Variants in NEB observed in about 807,000 individuals in gnomAD.
NEB encodes nemaline myopathy type 2.
Under a neutral mutation model 952.2 loss-of-function variants are expected in NEB, and 512 were observed. The ratio of observed to expected loss-of-function variants is 0.54; its 90% CI spans 0.50 to 0.58. NEB has a LOEUF of 0.58. NEB is among the 20% of genes least tolerant of loss of function. The pLI, the probability that NEB is intolerant of heterozygous loss-of-function variation, is 0.00. For missense variants in NEB, 8,428 were observed against 9,231.1 expected, an observed-to-expected ratio of 0.91 and a Z score of 3.56; for synonymous variants, 2,900 against 3,149.8, an observed-to-expected ratio of 0.92 and a Z score of 2.66.
chr2:151,644,714 T>C (rs1029744531), intron 55 of NEB, 139 bp from the exon 56 acceptor site: 1 of 725,666 alleles, frequency 1.4e-6, no homozygotes, highest in African/African-American at 1.8e-5. Flanking sequence ...TTAGAAATTA[T>C]GCCCATTGAT....
At position 151,485,666 on chromosome 2, in the gene NEB, A is replaced by G; in HGVS notation, c.*94T>C. The stretch of plus-strand genomic sequence containing the variant: ...ACATTGACACAGAAAAACCATAGGC[A>G]GCTTGAGAACTTAGGTAACAGTGGA... On this transcript the variant is annotated 3_prime_UTR_variant, in exon 182 of 182. Transcript: ENST00000397345. 1 of 1,229,318 alleles carries G rather than the reference A, an allele frequency of 8.1e-7. No homozygotes were observed. Among genetic ancestry groups the G allele is most frequent in the Admixed American group, 2.3e-5 (1 of 42,898 alleles). 76.2% of individuals were successfully genotyped at this position (1,229,318 alleles called of 1,614,324 possible). A position where few individuals can be genotyped will look rare whatever the true frequency, so the allele number is the denominator to read the frequency against.
intron 129 of NEB, among the ~76,000 whole-genome samples, chr2:151,551,488 A>G (rs983961970): frequency 2.0e-5 from 3 of 152,176 alleles, no homozygotes; most frequent in African/African-American, 7.2e-5. Context: ...GAGAATGTAT[A>G]TTGGCTTTCT....
intron 165 of NEB, among the ~76,000 whole-genome samples, chr2:151,504,987 A>C (rs556780530): frequency 4.7e-4 from 72 of 152,082 alleles, no homozygotes; most frequent in Non-Finnish European, 6.5e-4. Flanking sequence ...GGGAGAAGAG[A>C]CTTCACATGT....
At chr2:151,533,008 C>A (rs2092109554) in intron 143 of NEB, among the ~76,000 whole-genome samples, 1 of 152,100 alleles carries the variant, frequency 6.6e-6, no homozygotes, top group Non-Finnish European at 1.5e-5. Flanking sequence ...CATAGAGCTG[C>A]ACGGTAATCC....
chr2:151,631,064 T>C, intron 66 of NEB, 79 bp downstream of exon 66: 1 of 1,549,554 alleles, frequency 6.5e-7, no homozygotes, highest in Admixed American at 1.8e-5. Context: ...CCTTCATAGA[T>C]AATTTAGACT....
chr2:151,710,266 G>C (rs947199031), intron 11 of NEB, among the ~76,000 whole-genome samples, 168 bp downstream of exon 11: 68 of 152,336 alleles, frequency 4.5e-4, no homozygotes, highest in African/African-American at 1.6e-3. Flanking sequence ...AAAGGAAAGA[G>C]AGTTTGGGAA....
intron 181 of NEB, chr2:151,486,339 GAC>G (rs1465648554): frequency 6.0e-6 from 1 of 166,806 alleles, no homozygotes; most frequent in Non-Finnish European, 1.3e-5. Flanking sequence ...TGATAAAAAA[GAC>G]AGACAATAAC....
At chr2:151,674,630 T>A (rs1312021805) in intron 35 of NEB, 46 bp from the exon 36 acceptor site, 1 of 1,365,488 alleles carries the variant, frequency 7.3e-7, no homozygotes. Context: ...AAGTGATTCC[T>A]CAACTGCTGG....
rs1279961270 is a variant in NEB at position 151,501,404 on chromosome 2, T to G, written c.24008A>C (p.Glu8003Ala). 6.5e-7 allele frequency: 1 copy of G among 1,549,288 alleles called. No homozygotes were observed. Among genetic ancestry groups the G allele is most frequent in the East Asian group, 2.4e-5 (1 of 40,946 alleles). Residue 8003 changes from glutamate to alanine, a missense_variant, in exon 168 of 182, where the codon GAA becomes GCA. Physicochemically the swap from Glu to Ala is moderately radical, Grantham distance 107. Around this residue, in one of 11 missense-constraint regions of NEB, gnomAD observed 3,374 missense variants for 3,651.5 expected, o/e 0.92. Coordinates refer to ENST00000397345, the MANE Select transcript of NEB (RefSeq NM_001164508.2). ...TCTCCCAAATACCGAGCTAAAGTTT[T>G]CTTGATTGAGTTTGACTCGCTCCAT... ...PEMERVKLNQ[E>A]NFSSVLYKEN...
At position 151,578,677 on chromosome 2, in the gene NEB, G is replaced by GGGAAGGAA. The variant is rs371963286; in HGVS notation, c.16704+653_16704+660dup. 5.4e-5 allele frequency among the ~76,000 whole-genome samples: 8 copies of GGGAAGGAA among 147,780 alleles called. No homozygotes were observed. The South Asian group carries it at 6.5e-4, about 12-fold the overall frequency. Reference sequence around the variant, plus strand: ...AGGGAAAGAGACAAGGAGGGAAGGAGGGAAGGAAGGAAGGAAGGAGAGAAG... The same window carrying GGGAAGGAA: ...AGGGAAAGAGACAAGGAGGGAAGGAGGGAAGGAAGGAAGGAAGGAAGGAAGGAGAGAAG... On this transcript the variant is annotated intron_variant, in intron 105 of 181. Transcript: ENST00000397345.
intron 163 of NEB, 96 bp downstream of exon 163, chr2:151,506,813 G>A: frequency 2.4e-6 from 2 of 817,830 alleles, no homozygotes; most frequent in Non-Finnish European, 4.0e-6. Context: ...GAGGTTAGAT[G>A]TTAATTGTGT....
chr2:151,705,593 G>T (rs959427044), intron 13 of NEB, among the ~76,000 whole-genome samples: 4 of 152,006 alleles, frequency 2.6e-5, no homozygotes, highest in South Asian at 2.1e-4. Context: ...CAAAGGAAAA[G>T]AAATAATATG....
chr2:151,497,980 T>TAAACA (rs1238875484), intron 170 of NEB: 22 of 1,436,440 alleles, frequency 1.5e-5, no homozygotes, highest in East Asian at 5.0e-5. Flanking sequence ...CGGTGCCTCC[T>TAAACA]AAACAATCAC....
At chr2:151,632,120 T>C (rs1427195513) in intron 65 of NEB, among the ~76,000 whole-genome samples, 1 of 152,154 alleles carries the variant, frequency 6.6e-6, no homozygotes, top group African/African-American at 2.4e-5. Context: ...CACAGACACC[T>C]ATATAAAATC....
chr2:151,722,048 T>C (rs7591363), intron 9 of NEB, among the ~76,000 whole-genome samples: 15,937 of 152,164 alleles, frequency 0.1, 1,104 homozygotes, highest in African/African-American at 0.19. Flanking sequence ...CACCATCAAA[T>C]TGGTGTGTAT....
chr2:151,601,605 C>A (rs2097541257), intron 88 of NEB, among the ~76,000 whole-genome samples: 1 of 81,514 alleles, frequency 1.2e-5, no homozygotes, highest in African/African-American at 5.2e-5. Flanking sequence ...CTTTGAGTAA[C>A]AACAGAATTC....
intron 129 of NEB, among the ~76,000 whole-genome samples, chr2:151,550,844 C>T (rs537062415): frequency 6.6e-6 from 1 of 151,830 alleles, no homozygotes; most frequent in South Asian, 2.1e-4. Flanking sequence ...CAGGGTTTCA[C>T]CATGTTGCTC....
At chr2:151,489,463 G>C (rs983488802) in intron 181 of NEB, among the ~76,000 whole-genome samples, 1 of 152,170 alleles carries the variant, frequency 6.6e-6, no homozygotes, top group Non-Finnish European at 1.5e-5. Context: ...CAGTGGTGCA[G>C]TTATGGCTCA....
chr2:151,642,575 T>G lies in NEB; in HGVS notation c.8372A>C (p.Glu2791Ala), dbSNP rs1414164577. 1.2e-6 allele frequency: 2 copies of G among 1,607,504 alleles called. No individual in the cohort carries two copies. Among genetic ancestry groups the G allele is most frequent in the Admixed American group, 3.4e-5 (2 of 59,544 alleles). Residue 2791 changes from glutamate (E) to alanine (A), a missense_variant and splice_region_variant, in exon 60 of 182, where the codon GAA becomes GCA. Glu to Ala is a moderately radical substitution (Grantham distance 107). Transcript: ENST00000397345. ...AAATAACTTTCCAAGTATACTTACT[T>G]CACTTGCAATATCTCTGGAGGCCTT... is the stretch of plus-strand genomic sequence containing the variant. ...AAKASRDIAS[E>A]FKYKEGYRKQ...
Sources: gnomAD v4.1 joint callset for allele counts (sites outside exome capture counted in the v4.1 genomes callset) on GRCh38, gnomAD v4.1.1 for gene constraint, gnomAD v4.1.1 regional missense constraint, MANE v1.5 for transcripts, NCBI Gene and HGNC (gene_info 2026-07-23, HGNC 2026-07-21) for gene names.